The following RARB variants were observed in gnomAD, a reference collection of about 807,000 sequenced individuals.
RARB encodes the protein HBV-activated protein.
In RARB, 17 loss-of-function variants were observed where a neutral mutation model predicts 51.9. That is an observed-to-expected ratio of 0.33 (90% confidence interval 0.22 to 0.49). RARB has a LOEUF of 0.49. Ranked by LOEUF, RARB falls within the 20% of genes least tolerant of loss-of-function variation. The pLI is 0.99. For synonymous variants in RARB, 215 were observed against 195.4 expected (o/e 1.10, Z -0.84); for missense variants, 369 against 550.8 (o/e 0.67, Z 3.30).
chr3:24,955,352 TTTATATAAAC>T (rs147937109), intron 2 of RARB, among the ~76,000 whole-genome samples: 5,251 of 152,108 alleles, frequency 0.035, 225 homozygotes, highest in African/African-American at 0.094. Flanking sequence ...AGGTCTGGGG[TTTATATAAAC>T]ACAGCACAGG....
At position 25,142,086 on chromosome 3, in the gene RARB, CT is replaced by C. The variant is rs565550071; in HGVS notation, c.-280+9881del. 3.3e-5 allele frequency among the ~76,000 whole-genome samples: 5 copies of C among 152,334 alleles called. No homozygotes were observed. The South Asian group carries it at 8.3e-4, about 25-fold the overall frequency. On this transcript the variant is annotated intron_variant, in intron 4 of 11. Coordinates refer to the RARB transcript ENST00000383772. ...GTGGCTCACGCCTGTGATGCCAACA[CT>C]TTGGGAGGATGAGGCGGACAGATCA... is the stretch of plus-strand genomic sequence containing the variant.
At chr3:24,846,970 C>T (rs1185376829) in intron 1 of RARB, among the ~76,000 whole-genome samples, 1 of 151,912 alleles carries the variant, frequency 6.6e-6, no homozygotes, top group Non-Finnish European at 1.5e-5. Flanking sequence ...TCAGCAAATT[C>T]GTAAGAGTGT....
intron 2 of RARB, among the ~76,000 whole-genome samples, chr3:25,477,524 C>A (rs1412861184): frequency 1.3e-5 from 2 of 152,216 alleles, no homozygotes; most frequent in Non-Finnish European, 2.9e-5. Context: ...GCCTTCTGTT[C>A]ATTTTGAAGT....
intron 2 of RARB, among the ~76,000 whole-genome samples, chr3:25,465,344 C>T (rs963444632): frequency 6.6e-6 from 1 of 152,180 alleles, no homozygotes; most frequent in African/African-American, 2.4e-5. Context: ...CCATAGGCCC[C>T]TTGTTGACCG....
chr3:25,269,994 G>C (rs1232184153), intron 5 of RARB, among the ~76,000 whole-genome samples: 1 of 152,110 alleles, frequency 6.6e-6, no homozygotes, highest in Non-Finnish European at 1.5e-5. Flanking sequence ...TATTATTTGG[G>C]GGGCAAAAAG....
intron 5 of RARB, among the ~76,000 whole-genome samples, chr3:25,183,004 G>C (rs1488115134): frequency 6.6e-6 from 1 of 152,098 alleles, no homozygotes; most frequent in African/African-American, 2.4e-5. Context: ...ACAGCTCTTA[G>C]AAGGAGGCAA....
At chr3:25,042,100 G>T (rs1426472987) in intron 2 of RARB, among the ~76,000 whole-genome samples, 3 of 152,090 alleles carry the variant, frequency 2.0e-5, no homozygotes, top group Non-Finnish European at 4.4e-5. Flanking sequence ...ATGCCACTGT[G>T]CTCCTGCTGA....
At chr3:25,532,777 T>C (rs1431510443) in intron 3 of RARB, among the ~76,000 whole-genome samples, 1 of 152,188 alleles carries the variant, frequency 6.6e-6, no homozygotes, top group Non-Finnish European at 1.5e-5. Context: ...TTAACTTCAT[T>C]CTTTGTTGAG....
At chr3:25,551,469 C>T (rs1217294746) in intron 3 of RARB, among the ~76,000 whole-genome samples, 1 of 152,168 alleles carries the variant, frequency 6.6e-6, no homozygotes, top group East Asian at 1.9e-4. Context: ...CCATTTGACT[C>T]ATGGGCCCTC....
At chr3:24,908,639 G>T (rs116587696) in intron 2 of RARB, among the ~76,000 whole-genome samples, 133 of 113,986 alleles carry the variant, frequency 1.2e-3, no homozygotes, top group African/African-American at 3.8e-3. Context: ...TCTAAAATTT[G>T]TAATTCTTGA....
chr3:25,524,964 G>A (rs913718174), intron 3 of RARB, among the ~76,000 whole-genome samples: 3 of 152,018 alleles, frequency 2.0e-5, no homozygotes, highest in African/African-American at 7.2e-5. Context: ...CCTGACCTCA[G>A]GTGATCCACC....
At chr3:24,979,708 G>C (rs558885791) in intron 2 of RARB, among the ~76,000 whole-genome samples, 42 of 151,964 alleles carry the variant, frequency 2.8e-4, no homozygotes, top group Non-Finnish European at 4.6e-4. Context: ...GCACACCAAA[G>C]GGTCTTGACT....
intron 3 of RARB, among the ~76,000 whole-genome samples, chr3:25,076,434 T>C (rs1698872096): frequency 6.6e-6 from 1 of 152,202 alleles, no homozygotes; most frequent in Admixed American, 6.5e-5. Flanking sequence ...GAACATTATA[T>C]ATGCTTTGTA....
At chr3:25,210,661 G>C (rs192654277) in intron 5 of RARB, among the ~76,000 whole-genome samples, 9 of 149,156 alleles carry the variant, frequency 6.0e-5, no homozygotes, top group Admixed American at 2.7e-4. Flanking sequence ...TCAGTCTCCT[G>C]AGTAACTGGG....
At chr3:25,004,825 G>T (rs989439025) in intron 2 of RARB, among the ~76,000 whole-genome samples, 1 of 152,068 alleles carries the variant, frequency 6.6e-6, no homozygotes, top group African/African-American at 2.4e-5. Context: ...CAACTACTGG[G>T]TAGCATTTTT....
At chr3:24,903,450 T>C (rs901290798) in intron 2 of RARB, among the ~76,000 whole-genome samples, 10 of 152,204 alleles carry the variant, frequency 6.6e-5, no homozygotes, top group African/African-American at 2.2e-4. Flanking sequence ...GTTCTTTCTT[T>C]ATATATTTGT....
chr3:25,443,926 G>C (rs1708816905), intron 1 of RARB, among the ~76,000 whole-genome samples: 1 of 151,998 alleles, frequency 6.6e-6, no homozygotes, highest in Non-Finnish European at 1.5e-5. Context: ...GCTAGACTCT[G>C]TCTCAAAAAG....
chr3:25,448,227 G>C (rs1201438206), intron 1 of RARB, among the ~76,000 whole-genome samples: 2 of 152,038 alleles, frequency 1.3e-5, no homozygotes, highest in African/African-American at 4.8e-5. Flanking sequence ...CAAGTTTCGG[G>C]AATATCAAAA....
Position 25,431,981 on chromosome 3 carries a change from G to A in RARB, c.157+3093G>A, listed in dbSNP as rs557644729. ...GACTAAATAAAGACTGACAGCCACC[G>A]TATGAATTGAATGGGGTTTTGAATA... On this transcript the variant is annotated intron_variant, in intron 1 of 7. Coordinates refer to ENST00000330688, the MANE Select transcript of RARB (RefSeq NM_000965.5). Among the ~76,000 whole-genome samples, 8 of 152,292 alleles carry A rather than the reference G, an allele frequency of 5.3e-5. No homozygotes were observed. In the East Asian group the frequency reaches 5.8e-4, roughly 11 times the overall value.
Sources: gnomAD v4.1 joint callset for allele counts (sites outside exome capture counted in the v4.1 genomes callset) on GRCh38, gnomAD v4.1.1 for gene constraint, MANE v1.5 for transcripts, NCBI Gene and HGNC (gene_info 2026-07-23, HGNC 2026-07-21) for gene names.